GMDS: variants seen among roughly 807,000 people sequenced by gnomAD.
GMDS encodes GDP-mannose 4,6-dehydratase.
Under a neutral mutation model 49.9 loss-of-function variants are expected in GMDS, and 20 were observed. The observed-to-expected ratio is 0.40, with a 90% CI of 0.28 to 0.58. GMDS has a LOEUF of 0.58. Ranked by LOEUF, GMDS falls within the 20% of genes least tolerant of loss-of-function variation. The pLI is 0.42. For missense variants in GMDS, 362 were observed against 481.4 expected, an observed-to-expected ratio of 0.75 and a Z score of 2.32; for synonymous variants, 177 against 178.6, an observed-to-expected ratio of 0.99 and a Z score of 0.07.
intron 9 of GMDS, among the ~76,000 whole-genome samples, chr6:1,718,769 TAC>T (rs1766264631): frequency 6.7e-6 from 1 of 149,236 alleles, no homozygotes. Flanking sequence ...TTCATATATA[TAC>T]ATATATATAT....
At chr6:1,980,056 T>A (rs1441799039) in intron 4 of GMDS, among the ~76,000 whole-genome samples, 1 of 152,042 alleles carries the variant, frequency 6.6e-6, no homozygotes, top group Non-Finnish European at 1.5e-5. Context: ...GCACTAAATA[T>A]GAAAAGGAAA....
At chr6:1,912,113 C>A (rs1225746522) in intron 7 of GMDS, among the ~76,000 whole-genome samples, 1 of 152,194 alleles carries the variant, frequency 6.6e-6, no homozygotes, top group African/African-American at 2.4e-5. Flanking sequence ...CTTCTCCAAT[C>A]CCAGCACTTT....
At chr6:2,012,610 C>T (rs1767627029) in intron 4 of GMDS, among the ~76,000 whole-genome samples, 3 of 152,086 alleles carry the variant, frequency 2.0e-5, no homozygotes, top group Admixed American at 1.3e-4. Flanking sequence ...GGCAAACAAC[C>T]ACATTAAAAT....
At chr6:1,750,817 C>T (rs1042455117) in intron 7 of GMDS, among the ~76,000 whole-genome samples, 8 of 152,290 alleles carry the variant, frequency 5.3e-5, no homozygotes, top group South Asian at 2.1e-4. Context: ...AGCTAAGATC[C>T]GCTGGCTTGA....
chr6:2,130,501 G>A lies in GMDS; in HGVS notation c.103-5770C>T, dbSNP rs1266728928. Among the ~76,000 whole-genome samples, 7 of 152,262 alleles carry A rather than the reference G, an allele frequency of 4.6e-5. No homozygotes were observed. The East Asian group carries it at 5.8e-4, about 13-fold the overall frequency. Reference sequence around the variant, plus strand: ...CCCTCCTTTCAAGGGCAATAGCCTCGCAAACAGGTGCTCAGTGGTTGCACA... The same window carrying A: ...CCCTCCTTTCAAGGGCAATAGCCTCACAAACAGGTGCTCAGTGGTTGCACA... On this transcript the variant is annotated intron_variant, in intron 1 of 10. Coordinates refer to ENST00000380815, the MANE Select transcript of GMDS (RefSeq NM_001500.4).
chr6:1,803,100 T>C (rs781699297), intron 7 of GMDS, among the ~76,000 whole-genome samples: 6 of 152,260 alleles, frequency 3.9e-5, no homozygotes, highest in Admixed American at 1.3e-4. Context: ...TTTCCCATTA[T>C]GTGGAACCTC....
At chr6:2,037,270 G>A (rs1016864560) in intron 4 of GMDS, among the ~76,000 whole-genome samples, 1 of 152,102 alleles carries the variant, frequency 6.6e-6, no homozygotes, top group Admixed American at 6.6e-5. Flanking sequence ...GTTACAAATG[G>A]TCCAAAAAGG....
At chr6:1,669,049 C>CG (rs1764331125) in intron 9 of GMDS, among the ~76,000 whole-genome samples, 1 of 152,234 alleles carries the variant, frequency 6.6e-6, no homozygotes, top group Non-Finnish European at 1.5e-5. Flanking sequence ...GTGAAGAACT[C>CG]TCTGCAACAT....
At chr6:2,151,817 C>G (rs1030641285) in intron 1 of GMDS, among the ~76,000 whole-genome samples, 1 of 152,042 alleles carries the variant, frequency 6.6e-6, no homozygotes, top group Non-Finnish European at 1.5e-5. Context: ...CTTGTTCTAA[C>G]TAAATGTCAA....
chr6:1,731,535 G>A (rs1309415962), intron 8 of GMDS, among the ~76,000 whole-genome samples: 1 of 152,130 alleles, frequency 6.6e-6, no homozygotes, highest in Non-Finnish European at 1.5e-5. Context: ...CAAATTAATA[G>A]GCAATGGAGT....
chr6:2,147,960 T>C (rs1221270099), intron 1 of GMDS, among the ~76,000 whole-genome samples: 1 of 151,742 alleles, frequency 6.6e-6, no homozygotes, highest in Non-Finnish European at 1.5e-5. Context: ...GACTCACATT[T>C]GAAATACGTT....
chr6:1,643,565 C>A lies in GMDS; in HGVS notation c.988-19025G>T, dbSNP rs1444513304. On this transcript the variant is annotated intron_variant, in intron 9 of 10. Coordinates refer to ENST00000380815, the MANE Select transcript of GMDS (RefSeq NM_001500.4). ...GTGGGGATGCTGGTCAAAGGATACA[C>A]ACCTATAGCTAGGTGGGGACAGCGG... Among the ~76,000 whole-genome samples the A allele has an allele frequency of 3.3e-5, 5 of 152,138 alleles. No homozygotes were observed. The East Asian group carries it at 9.6e-4, about 29-fold the overall frequency.
chr6:1,854,413 G>A (rs1214031515), intron 7 of GMDS, among the ~76,000 whole-genome samples: 1 of 152,166 alleles, frequency 6.6e-6, no homozygotes, highest in East Asian at 1.9e-4. Context: ...AACTTCCAAT[G>A]TTCTCTGTTA....
intron 1 of GMDS, among the ~76,000 whole-genome samples, chr6:2,217,595 T>C (rs1048804202): frequency 6.6e-6 from 1 of 152,220 alleles, no homozygotes; most frequent in Non-Finnish European, 1.5e-5. Context: ...GTGCTTACAA[T>C]AATGCTGCAA....
chr6:1,837,780 C>T (rs1171788546), intron 7 of GMDS, among the ~76,000 whole-genome samples: 12 of 152,110 alleles, frequency 7.9e-5, no homozygotes, highest in Non-Finnish European at 1.8e-4. Context: ...GTGGGAAAGA[C>T]GCAGGATGAA....
At chr6:1,780,759 T>C (rs1330899328) in intron 7 of GMDS, among the ~76,000 whole-genome samples, 2 of 152,202 alleles carry the variant, frequency 1.3e-5, no homozygotes, top group Admixed American at 6.5e-5. Flanking sequence ...GGAGTCCTAG[T>C]GCCTGGTGAG....
At chr6:2,218,497 G>A (rs1037303400) in intron 1 of GMDS, among the ~76,000 whole-genome samples, 12 of 152,044 alleles carry the variant, frequency 7.9e-5, no homozygotes, top group Admixed American at 6.6e-4. Flanking sequence ...ATTGTTTCTT[G>A]GACTAAGACA....
intron 1 of GMDS, among the ~76,000 whole-genome samples, chr6:2,159,676 G>A (rs1032122685): frequency 4.9e-4 from 74 of 151,424 alleles, no homozygotes; most frequent in African/African-American, 1.6e-3. Flanking sequence ...ATGCCACCAC[G>A]CCCAACTAAT....
intron 4 of GMDS, among the ~76,000 whole-genome samples, chr6:1,973,607 T>A (rs2031228): frequency 0.042 from 6,383 of 152,264 alleles, 418 homozygotes; most frequent in African/African-American, 0.14. Flanking sequence ...TTCAGCTGCA[T>A]ATAAAGAGAC....
Sources: allele counts gnomAD v4.1 joint callset (sites outside exome capture counted in the v4.1 genomes callset), GRCh38; gene constraint gnomAD v4.1.1; transcripts MANE v1.5; gene names NCBI Gene and HGNC (gene_info 2026-07-23, HGNC 2026-07-21).